The following ADAM12 variants were observed in gnomAD, a reference collection of about 807,000 sequenced individuals.
ADAM12 encodes the protein ADAM metallopeptidase domain 12.
ADAM12 carries 70 observed loss-of-function variants against 106.4 expected under a neutral mutation model. That is an observed-to-expected ratio of 0.66 (90% confidence interval 0.54 to 0.80). The LOEUF is 0.80. ADAM12 is among the 30% of genes least tolerant of loss of function. The pLI is 0.00. For missense variants in ADAM12, 1,010 were observed against 1,171.9 expected (o/e 0.86, Z 2.02); for synonymous variants, 420 against 433.5 (o/e 0.97, Z 0.39).
intron 3 of ADAM12, among the ~76,000 whole-genome samples, chr10:126,194,278 C>CAAAAAAAAAA (rs35778124): frequency 1.7e-5 from 1 of 58,070 alleles, no homozygotes; most frequent in Non-Finnish European, 3.9e-5. Flanking sequence ...TTCATATGCT[C>CAAAAAAAAAA]AAAAAAAAAA....
chr10:126,302,577 T>C lies in ADAM12; in HGVS notation c.187-23589A>G, dbSNP rs189107931. On this transcript the variant is annotated intron_variant, in intron 2 of 22. Coordinates refer to ENST00000448723, the MANE Select transcript of ADAM12 (RefSeq NM_001288973.2). Reference sequence around the variant, plus strand: ...AGCAGGGGTCTAAGCTACAGGAGGGTGGAAGGGGAGGACGTCTGAAGAGCT... The same window carrying C: ...AGCAGGGGTCTAAGCTACAGGAGGGCGGAAGGGGAGGACGTCTGAAGAGCT... Among the ~76,000 whole-genome samples, 544 of 151,750 alleles carry C rather than the reference T, an allele frequency of 3.6e-3. 4 individuals carry two copies. Among genetic ancestry groups the C allele is most frequent in the African/African-American group, 0.013 (522 of 41,388 alleles).
intron 3 of ADAM12, among the ~76,000 whole-genome samples, chr10:126,271,198 G>T (rs1959173527): frequency 6.6e-6 from 1 of 152,166 alleles, no homozygotes. Flanking sequence ...ACAAGTTCTT[G>T]GTCCTTTTCC....
chr10:126,351,862 C>A (rs889215229), intron 1 of ADAM12, among the ~76,000 whole-genome samples: 9 of 152,312 alleles, frequency 5.9e-5, no homozygotes, highest in African/African-American at 1.9e-4. Flanking sequence ...CTCCAGCACT[C>A]AGCCCTCATC....
chr10:126,043,218 G>A lies in ADAM12; in HGVS notation c.1996-70C>T. On this transcript the variant is annotated intron_variant, in intron 17 of 22. Transcript: ENST00000448723. The surrounding 1 kb of genome is among the most constrained non-coding windows in gnomAD (Gnocchi z 4.1). ...TGTGCATCACCACAGCAGAAGCAAGGGGGGCCATGGTCAGAGCCCCCCCCC... is the reference window on the plus strand; with the variant it reads ...TGTGCATCACCACAGCAGAAGCAAGAGGGGCCATGGTCAGAGCCCCCCCCC... 7.0e-7 allele frequency: 1 copy of A among 1,431,256 alleles called. No homozygotes were observed. Among genetic ancestry groups the A allele is most frequent in the Non-Finnish European group, 9.7e-7 (1 of 1,034,690 alleles). 88.7% of individuals were successfully genotyped at this position (1,431,256 alleles called of 1,614,324 possible). A position where few individuals can be genotyped will look rare whatever the true frequency, so the allele number is the denominator to read the frequency against.
At chr10:126,335,251 T>A (rs1854658402) in intron 1 of ADAM12, among the ~76,000 whole-genome samples, 1 of 152,208 alleles carries the variant, frequency 6.6e-6, no homozygotes, top group Non-Finnish European at 1.5e-5. Flanking sequence ...GATGAGATCA[T>A]TAGTCAAGAG....
At chr10:126,346,293 C>T (rs1283001151) in intron 1 of ADAM12, among the ~76,000 whole-genome samples, 2 of 152,196 alleles carry the variant, frequency 1.3e-5, no homozygotes, top group African/African-American at 4.8e-5. Context: ...AGTAGCCATT[C>T]AGGAGCAGGT....
chr10:126,132,918 A>G (rs1956333877), intron 5 of ADAM12, among the ~76,000 whole-genome samples: 1 of 151,974 alleles, frequency 6.6e-6, no homozygotes, highest in Admixed American at 6.6e-5. Flanking sequence ...GAATTCAAGC[A>G]CTGGTTTTCC....
At chr10:126,157,156 T>C (rs529944104) in intron 3 of ADAM12, among the ~76,000 whole-genome samples, 1 of 152,316 alleles carries the variant, frequency 6.6e-6, no homozygotes, top group African/African-American at 2.4e-5. Context: ...TTCTCTGTTC[T>C]CAAGGCTCTG....
intron 3 of ADAM12, among the ~76,000 whole-genome samples, chr10:126,228,763 A>G (rs931093028): frequency 1.3e-5 from 2 of 152,210 alleles, no homozygotes; most frequent in Non-Finnish European, 2.9e-5. Flanking sequence ...TCTGCAGTAG[A>G]CATGGGCCAG....
chr10:126,165,597 G>T (rs1957010478), intron 3 of ADAM12, among the ~76,000 whole-genome samples: 1 of 152,172 alleles, frequency 6.6e-6, no homozygotes, highest in East Asian at 1.9e-4. Flanking sequence ...ACACAGCTGA[G>T]CCCTGGAGAC....
chr10:126,163,226 C>T (rs1364011585), intron 3 of ADAM12, among the ~76,000 whole-genome samples: 1 of 152,166 alleles, frequency 6.6e-6, no homozygotes, highest in Non-Finnish European at 1.5e-5. Flanking sequence ...CATAGCAACG[C>T]AAGAATGTCC....
chr10:126,182,918 G>A (rs991284737), intron 3 of ADAM12, among the ~76,000 whole-genome samples: 3 of 152,226 alleles, frequency 2.0e-5, no homozygotes, highest in Admixed American at 1.3e-4. Flanking sequence ...ATACCTGTCC[G>A]TGGCCTGTTA....
chr10:126,278,644 A>C (rs1179136652), intron 3 of ADAM12, among the ~76,000 whole-genome samples: 2 of 152,192 alleles, frequency 1.3e-5, no homozygotes, highest in Non-Finnish European at 2.9e-5. Flanking sequence ...GCTTAAATCA[A>C]ATCTTTGAAC....
intron 3 of ADAM12, among the ~76,000 whole-genome samples, chr10:126,158,768 G>A (rs1329310016): frequency 6.8e-6 from 1 of 148,136 alleles, no homozygotes; most frequent in Non-Finnish European, 1.5e-5. Flanking sequence ...GCACGGGTGG[G>A]AGGATGAGCA....
intron 2 of ADAM12, among the ~76,000 whole-genome samples, chr10:126,287,933 C>A (rs1959949844): frequency 6.6e-6 from 1 of 151,084 alleles, no homozygotes; most frequent in Non-Finnish European, 1.5e-5. Context: ...ACAGTCCCCA[C>A]ACCCGGAGCA....
chr10:126,051,059 C>T (rs1217829134), intron 14 of ADAM12, among the ~76,000 whole-genome samples: 1 of 152,132 alleles, frequency 6.6e-6, no homozygotes, highest in Non-Finnish European at 1.5e-5. Flanking sequence ...CACTCAGCTC[C>T]TATTAGGGAC....
chr10:126,351,503 G>A (rs889094607), intron 1 of ADAM12, among the ~76,000 whole-genome samples: 9 of 152,280 alleles, frequency 5.9e-5, no homozygotes, highest in Non-Finnish European at 1.0e-4. Flanking sequence ...TGCATGGCAT[G>A]TGCTTACTAC....
chr10:126,324,868 T>A (rs1349177420), intron 2 of ADAM12, among the ~76,000 whole-genome samples: 1 of 151,898 alleles, frequency 6.6e-6, no homozygotes, highest in Non-Finnish European at 1.5e-5. Context: ...GTGTGGATTT[T>A]AAGTCAATGC....
At chr10:126,160,516 A>G (rs1011245731) in intron 3 of ADAM12, among the ~76,000 whole-genome samples, 1 of 152,052 alleles carries the variant, frequency 6.6e-6, no homozygotes, top group Non-Finnish European at 1.5e-5. Flanking sequence ...ATATGACCTG[A>G]TATCGGAACT....
Sources: gnomAD v4.1 joint callset for allele counts (sites outside exome capture counted in the v4.1 genomes callset) on GRCh38, gnomAD v4.1.1 for gene constraint, Gnocchi (gnomAD v3.1) non-coding constraint, MANE v1.5 for transcripts, NCBI Gene and HGNC (gene_info 2026-07-23, HGNC 2026-07-21) for gene names.